The following SCAI variants were observed in gnomAD, a reference collection of about 807,000 sequenced individuals.
SCAI encodes protein SCAI.
SCAI carries 24 observed loss-of-function variants against 92.2 expected under a neutral mutation model. The observed-to-expected ratio is 0.26, with a 90% CI of 0.19 to 0.37. The LOEUF (loss-of-function observed/expected upper bound fraction) is 0.37, where lower values mean the gene tolerates loss of function less well. Among genes scored for constraint, SCAI ranks in the 10% least tolerant of loss-of-function variants. The pLI is 1.00. For missense variants in SCAI, 450 were observed against 736.2 expected, an observed-to-expected ratio of 0.61 and a Z score of 4.50; for synonymous variants, 261 against 258.6, an observed-to-expected ratio of 1.01 and a Z score of -0.09.
At chr9:125,107,913 A>G (rs1396402769) in intron 2 of SCAI, among the ~76,000 whole-genome samples, 1 of 151,446 alleles carries the variant, frequency 6.6e-6, no homozygotes, top group Non-Finnish European at 1.5e-5. Context: ...TGCCGTCTCC[A>G]CTCACTGCAA....
rs1231078145 is a variant in SCAI, at chr9:125,058,723, A to G, written c.99-2716T>C. Among the ~76,000 whole-genome samples the G allele has an allele frequency of 3.3e-5, 5 of 152,150 alleles. No individual in the cohort carries two copies. In the East Asian group the frequency reaches 7.7e-4, roughly 23 times the overall value. On this transcript the variant is annotated intron_variant, in intron 2 of 17. Transcript: ENST00000336505. Reference sequence around the variant, plus strand: ...CACCTAACACTTGGCCCCTAATACCATTCTCCAATAAAAGGAACCAGACAT... The same window carrying G: ...CACCTAACACTTGGCCCCTAATACCGTTCTCCAATAAAAGGAACCAGACAT...
At chr9:125,055,834 G>T in intron 3 of SCAI, 42 bp downstream of exon 3, 1 of 1,528,174 alleles carries the variant, frequency 6.5e-7, no homozygotes, top group Admixed American at 2.2e-5. Context: ...AAAAACAAAT[G>T]CAGAACTAAA....
At chr9:125,076,399 T>C (rs1834090942) in intron 2 of SCAI, among the ~76,000 whole-genome samples, 1 of 151,994 alleles carries the variant, frequency 6.6e-6, no homozygotes, top group South Asian at 2.1e-4. Context: ...CTCAGGAGGC[T>C]GAGATAGGAG....
At chr9:125,092,505 C>T (rs890564475) in intron 2 of SCAI, among the ~76,000 whole-genome samples, 1 of 152,162 alleles carries the variant, frequency 6.6e-6, no homozygotes. Context: ...ATCCTCCACA[C>T]ATGCCCAGCC....
At chr9:125,065,592 C>A (rs1223724597) in intron 2 of SCAI, among the ~76,000 whole-genome samples, 1 of 152,124 alleles carries the variant, frequency 6.6e-6, no homozygotes, top group Non-Finnish European at 1.5e-5. Flanking sequence ...TTTTATGATG[C>A]CAACATAATT....
At chr9:125,051,114 C>T (rs1833552379) in intron 3 of SCAI, among the ~76,000 whole-genome samples, 1 of 152,112 alleles carries the variant, frequency 6.6e-6, no homozygotes, top group South Asian at 2.1e-4. Context: ...CATCCGCCTC[C>T]CAGCTTCAAG....
At chr9:125,026,662 G>T in intron 6 of SCAI, 150 bp downstream of exon 6, 1 of 444,794 alleles carries the variant, frequency 2.2e-6, no homozygotes, top group Non-Finnish European at 4.0e-6. Flanking sequence ...ACTTCTCTAT[G>T]CTTTCGAAGG....
Position 124,945,164 on chromosome 9 carries a change from TTAATATAA to T in SCAI, c.*7635_*7642del, listed in dbSNP as rs1261070842. 1.4e-5 allele frequency: 2 copies of T among 144,850 alleles called. No individual in the cohort carries two copies. The highest frequency in any genetic ancestry group is 3.9e-4 in the East Asian group (2 of 5,098). The allele number at this position is 144,850 out of a possible 1,614,324, so 9.0% of individuals were successfully genotyped here. A position where few individuals can be genotyped will look rare whatever the true frequency, so the allele number is the denominator to read the frequency against. ...GGCTTGAATAAGTGAGTTTGTAGTT[TTAATATAA>T]TGTACTTCAAACTATTAAAAAAACT... On this transcript the variant is annotated 3_prime_UTR_variant, in exon 18 of 18. Transcript: ENST00000336505.
intron 13 of SCAI, among the ~76,000 whole-genome samples, chr9:124,998,829 G>C (rs1271567196): frequency 6.6e-6 from 1 of 151,908 alleles, no homozygotes; most frequent in Non-Finnish European, 1.5e-5. Context: ...TGTTGGCCAA[G>C]CTGGTCTCAA....
intron 2 of SCAI, among the ~76,000 whole-genome samples, chr9:125,121,129 T>C (rs1449575800): frequency 6.6e-6 from 1 of 151,814 alleles, no homozygotes; most frequent in Non-Finnish European, 1.5e-5. Context: ...TGTGCAAATT[T>C]GTATTCATTC....
intron 3 of SCAI, among the ~76,000 whole-genome samples, chr9:125,035,664 TA>T (rs1833179957): frequency 6.6e-6 from 1 of 152,186 alleles, no homozygotes; most frequent in East Asian, 1.9e-4. Context: ...GACCTAAGAA[TA>T]CACAGCACCT....
chr9:125,143,466 T>G lies in SCAI; in HGVS notation c.-29A>C, dbSNP rs1188519448. On this transcript the variant is annotated 5_prime_UTR_variant, in exon 1 of 18. Transcript: ENST00000336505. Reference sequence around the variant, plus strand: ...GCTCCTGCTCCGCCGCGGGAGCTGCTCCGGCGGCCGCAGGGCTCGCTCGGG... The same window carrying G: ...GCTCCTGCTCCGCCGCGGGAGCTGCGCCGGCGGCCGCAGGGCTCGCTCGGG... 1 of 1,336,192 alleles carries G rather than the reference T, an allele frequency of 7.5e-7. No homozygotes were observed. Among genetic ancestry groups the G allele is most frequent in the Middle Eastern group, 2.8e-4 (1 of 3,572 alleles). The allele number at this position is 1,336,192 out of a possible 1,614,324, so 82.8% of individuals were successfully genotyped here. A position where few individuals can be genotyped will look rare whatever the true frequency, so the allele number is the denominator to read the frequency against.
chr9:124,979,589 T>A (rs1831836403), intron 14 of SCAI, among the ~76,000 whole-genome samples: 1 of 152,120 alleles, frequency 6.6e-6, no homozygotes, highest in African/African-American at 2.4e-5. Context: ...GTATATCCAT[T>A]TACAACTTTT....
intron 2 of SCAI, among the ~76,000 whole-genome samples, chr9:125,063,112 G>A (rs827660): frequency 0.82 from 120,465 of 147,774 alleles, 49,063 homozygotes; most frequent in East Asian, 0.91. Flanking sequence ...ACCCCCCCCA[G>A]AAAAGGGCAA....
chr9:125,066,874 T>C (rs184148330), intron 2 of SCAI, among the ~76,000 whole-genome samples: 1 of 152,232 alleles, frequency 6.6e-6, no homozygotes, highest in East Asian at 1.9e-4. Flanking sequence ...TAACATTGTA[T>C]AATTGCTAAC....
intron 9 of SCAI, among the ~76,000 whole-genome samples, chr9:125,004,338 T>C (rs926875266): frequency 1.3e-5 from 2 of 151,326 alleles, no homozygotes; most frequent in East Asian, 3.9e-4. Flanking sequence ...TCTTTTTTTT[T>C]TTTTTTTTGA....
intron 2 of SCAI, among the ~76,000 whole-genome samples, chr9:125,123,071 GAC>G (rs1835190051): frequency 6.6e-6 from 1 of 152,094 alleles, no homozygotes; most frequent in Admixed American, 6.5e-5. Context: ...TTGTTAGAAA[GAC>G]AGGCTACGAC....
At chr9:125,080,046 C>CA (rs149972632) in intron 2 of SCAI, among the ~76,000 whole-genome samples, 2,979 of 149,290 alleles carry the variant, frequency 0.02, 91 homozygotes, top group African/African-American at 0.067. Context: ...GGGAAGTTAT[C>CA]AAAAAAAAAG....
At chr9:125,046,583 C>A (rs1452727278) in intron 3 of SCAI, among the ~76,000 whole-genome samples, 1 of 150,332 alleles carries the variant, frequency 6.7e-6, no homozygotes, top group Non-Finnish European at 1.5e-5. Flanking sequence ...AGGAACAAGA[C>A]TACACATTGG....
Sources: gnomAD v4.1 joint callset for allele counts (sites outside exome capture counted in the v4.1 genomes callset) on GRCh38, gnomAD v4.1.1 for gene constraint, MANE v1.5 for transcripts, NCBI Gene and HGNC (gene_info 2026-07-23, HGNC 2026-07-21) for gene names.